The following DTHD1 variants were observed in gnomAD, a reference collection of about 807,000 sequenced individuals.
The protein encoded by DTHD1 is death domain-containing protein 1.
Under a neutral mutation model 74.8 loss-of-function variants are expected in DTHD1, and 59 were observed. The observed-to-expected ratio is 0.79, with a 90% CI of 0.64 to 0.98. The LOEUF (loss-of-function observed/expected upper bound fraction) is 0.98. DTHD1 is among the 50% of genes least tolerant of loss of function. The pLI, the probability that DTHD1 is intolerant of heterozygous loss-of-function variation, is 0.00. For missense variants in DTHD1, 1,051 were observed against 1,065.4 expected (o/e 0.99, Z 0.19); for synonymous variants, 365 against 371.1 (o/e 0.98, Z 0.19).
intron 5 of DTHD1, among the ~76,000 whole-genome samples, chr4:36,298,115 C>T (rs1032232388): frequency 6.6e-6 from 1 of 152,046 alleles, no homozygotes; most frequent in Non-Finnish European, 1.5e-5. Flanking sequence ...CTGATATACT[C>T]TTGCCCATTC....
At chr4:36,294,740 C>T in intron 4 of DTHD1, 55 bp from the exon 5 acceptor site, 1 of 1,448,172 alleles carries the variant, frequency 6.9e-7, no homozygotes. Flanking sequence ...AGAAATGTAC[C>T]AATAGTTTGC....
At chr4:36,296,176 G>C (rs1756386415) in intron 5 of DTHD1, among the ~76,000 whole-genome samples, 1 of 152,070 alleles carries the variant, frequency 6.6e-6, no homozygotes, top group African/African-American at 2.4e-5. Flanking sequence ...AATAGAAATG[G>C]ACCAAAATCT....
intron 9 of DTHD1, among the ~76,000 whole-genome samples, chr4:36,341,993 G>C (rs1390702047): frequency 1.3e-5 from 2 of 152,190 alleles, no homozygotes; most frequent in African/African-American, 2.4e-5. Flanking sequence ...AATAATTCTG[G>C]CTGAGCATGA....
intron 3 of DTHD1, among the ~76,000 whole-genome samples, chr4:36,292,841 T>C (rs890571091): frequency 6.6e-6 from 1 of 152,204 alleles, no homozygotes; most frequent in Non-Finnish European, 1.5e-5. Context: ...GCTTTGGTGA[T>C]TATAGGAGAA....
At position 36,343,945 on chromosome 4, in the gene DTHD1, C is replaced by T. The variant is rs570142517; in HGVS notation, c.*121C>T. 5 of 970,142 alleles carry T rather than the reference C, an allele frequency of 5.2e-6. No individual in the cohort carries two copies. The highest frequency in any genetic ancestry group is 5.3e-5 in the East Asian group (2 of 37,908). The allele number at this position is 970,142 out of a possible 1,614,324, so 60.1% of individuals were successfully genotyped here. A position where few individuals can be genotyped will look rare whatever the true frequency, so the allele number is the denominator to read the frequency against. Reference sequence around the variant, plus strand: ...TGAAGTCAGTCTATTTAATGATGTGCTATTTAATGATGTGAGACAAAGGGA... The same window carrying T: ...TGAAGTCAGTCTATTTAATGATGTGTTATTTAATGATGTGAGACAAAGGGA... On this transcript the variant is annotated 3_prime_UTR_variant, in exon 10 of 10. Coordinates refer to ENST00000639862, the MANE Select transcript of DTHD1 (RefSeq NM_001170700.3).
chr4:36,344,773 A>AG lies in DTHD1; in HGVS notation c.*953dup, dbSNP rs762674695. The stretch of plus-strand genomic sequence containing the variant: ...CTTTGAAATGCCCTTGGCTGAGAGA[A>AG]GGGGCTTGTTCAGATAGTTGGGAGA... On this transcript the variant is annotated 3_prime_UTR_variant, in exon 10 of 10. Coordinates refer to ENST00000639862, the MANE Select transcript of DTHD1 (RefSeq NM_001170700.3). The AG allele has an allele frequency of 6.6e-6, 1 of 152,210 alleles. No homozygotes were observed. The highest frequency in any genetic ancestry group is 1.5e-5 in the Non-Finnish European group (1 of 68,038). 9.4% of individuals were successfully genotyped at this position (152,210 alleles called of 1,614,324 possible).
At chr4:36,301,547 T>A (rs968608746) in intron 5 of DTHD1, among the ~76,000 whole-genome samples, 1 of 151,828 alleles carries the variant, frequency 6.6e-6, no homozygotes, top group African/African-American at 2.4e-5. Flanking sequence ...TGAGACAGAG[T>A]TTTTATCTGA....
chr4:36,297,988 GT>G (rs1184742858), intron 5 of DTHD1, among the ~76,000 whole-genome samples: 1 of 151,942 alleles, frequency 6.6e-6, no homozygotes, highest in Non-Finnish European at 1.5e-5. Context: ...TTCCTGTGGA[GT>G]GGGAAAGTGG....
intron 8 of DTHD1, among the ~76,000 whole-genome samples, chr4:36,324,142 C>A (rs1408835396): frequency 3.3e-5 from 5 of 152,054 alleles, no homozygotes; most frequent in East Asian, 3.9e-4. Context: ...TCTCCTCCCC[C>A]CCATTCCTTT....
intron 5 of DTHD1, among the ~76,000 whole-genome samples, chr4:36,304,685 G>A (rs1756947573): frequency 6.6e-6 from 1 of 152,156 alleles, no homozygotes; most frequent in Non-Finnish European, 1.5e-5. Flanking sequence ...TTCAGTAATA[G>A]GGACTTTTCT....
chr4:36,308,331 C>T lies in DTHD1; in HGVS notation c.1933C>T (p.His645Tyr). ...ACTGTCTCACCAGAAGGACAATCCA[C>T]ATAGAATAGCTGTTTTAGTGGTGCC... ...IVLSHQKDNP[H>Y]RIAVLVVPSK... The change falls in exon 7 of 10, where the codon CAT becomes TAT. Residue 645 changes from histidine to tyrosine, a missense_variant. His to Tyr is a moderately conservative substitution (Grantham distance 83, BLOSUM62 2). Coordinates refer to ENST00000639862, the MANE Select transcript of DTHD1 (RefSeq NM_001170700.3). The T allele has an allele frequency of 6.4e-7, 1 of 1,551,924 alleles. No homozygotes were observed.
chr4:36,335,803 G>A (rs1417265408), intron 8 of DTHD1, among the ~76,000 whole-genome samples: 2 of 152,178 alleles, frequency 1.3e-5, no homozygotes, highest in African/African-American at 4.8e-5. Flanking sequence ...TCACACATAT[G>A]AGTTCAAGTA....
At chr4:36,300,482 T>C (rs1756696347) in intron 5 of DTHD1, among the ~76,000 whole-genome samples, 1 of 152,224 alleles carries the variant, frequency 6.6e-6, no homozygotes. Context: ...GGTTGCTCCC[T>C]TAGCTGCAAC....
chr4:36,291,333 A>C (rs974297258), intron 3 of DTHD1, among the ~76,000 whole-genome samples: 3 of 152,234 alleles, frequency 2.0e-5, no homozygotes, highest in Non-Finnish European at 4.4e-5. Context: ...CATCTGAGAG[A>C]TAAACATGAT....
chr4:36,328,203 G>A (rs1029481811), intron 8 of DTHD1, among the ~76,000 whole-genome samples: 1 of 152,208 alleles, frequency 6.6e-6, no homozygotes, highest in Non-Finnish European at 1.5e-5. Flanking sequence ...TTACCTCCAA[G>A]TGAGACCACT....
chr4:36,285,498 A>G (rs1247489041), intron 2 of DTHD1, among the ~76,000 whole-genome samples: 1 of 152,110 alleles, frequency 6.6e-6, no homozygotes, highest in African/African-American at 2.4e-5. Flanking sequence ...TCTCTAGGAG[A>G]CCATAACTTC....
chr4:36,297,480 T>A (rs1756499190), intron 5 of DTHD1, among the ~76,000 whole-genome samples: 1 of 152,108 alleles, frequency 6.6e-6, no homozygotes, highest in South Asian at 2.1e-4. Context: ...CAGATATAAA[T>A]ATCAGTTCTT....
intron 8 of DTHD1, among the ~76,000 whole-genome samples, chr4:36,336,229 G>A (rs1239785520): frequency 6.6e-6 from 1 of 152,152 alleles, no homozygotes; most frequent in African/African-American, 2.4e-5. Flanking sequence ...GTTGCAAGTG[G>A]CATATAAGAT....
Position 36,342,636 on chromosome 4 carries a change from A to G in DTHD1, c.2399-866A>G, listed in dbSNP as rs112840673. 5.0e-3 allele frequency among the ~76,000 whole-genome samples: 762 copies of G among 152,096 alleles called. 7 individuals carry two copies. Among genetic ancestry groups the G allele is most frequent in the African/African-American group, 0.017 (714 of 41,502 alleles). ...CAGAATTGTTTTTGGGTGGTAGATC[A>G]TGTCGTGTGTATGTCTGCGTGTGTG... On this transcript the variant is annotated intron_variant, in intron 9 of 9. Transcript: ENST00000639862.
Sources: gnomAD v4.1 joint callset for allele counts (sites outside exome capture counted in the v4.1 genomes callset) on GRCh38, gnomAD v4.1.1 for gene constraint, MANE v1.5 for transcripts, NCBI Gene and HGNC (gene_info 2026-07-23, HGNC 2026-07-21) for gene names.